The following IL2RB variants were observed in gnomAD, a reference collection of about 807,000 sequenced individuals.
The protein encoded by IL2RB is interleukin 2 receptor subunit beta.
A neutral mutation model predicts 44.2 loss-of-function variants in IL2RB; 17 were observed. That is an observed-to-expected ratio of 0.38 (90% CI 0.26 to 0.58). IL2RB has a LOEUF of 0.58. Ranked by LOEUF, IL2RB falls within the 20% of genes least tolerant of loss-of-function variation. IL2RB has a pLI of 0.63. For synonymous variants in IL2RB, 286 were observed against 297.9 expected (o/e 0.96, Z 0.41); for missense variants, 624 against 685.5 (o/e 0.91, Z 1.00).
At chr22:37,171,609 C>A (rs187662185) in intron 1 of IL2RB, among the ~76,000 whole-genome samples, 1 of 152,308 alleles carries the variant, frequency 6.6e-6, no homozygotes, top group African/African-American at 2.4e-5. Flanking sequence ...CCAGGCAGAA[C>A]TGGAGGAAGG....
intron 1 of IL2RB, among the ~76,000 whole-genome samples, chr22:37,155,199 T>C (rs930090292): frequency 1.3e-5 from 2 of 152,040 alleles, no homozygotes; most frequent in African/African-American, 4.8e-5. Context: ...GCACCTGCTT[T>C]CTTCAGCCCC....
At chr22:37,136,447 G>A (rs1921704784) in intron 6 of IL2RB, 54 bp from the exon 7 acceptor site, 3 of 1,544,458 alleles carry the variant, frequency 1.9e-6, no homozygotes, top group Non-Finnish European at 2.6e-6. Context: ...GGCAGGGCCA[G>A]GAGGCTGAGC....
At chr22:37,165,559 A>AG (rs1236791878) in intron 1 of IL2RB, among the ~76,000 whole-genome samples, 1 of 152,326 alleles carries the variant, frequency 6.6e-6, no homozygotes. Context: ...CTGCAGGGAC[A>AG]GGAAATAGGC....
At chr22:37,150,737 C>A (rs1412274758), upstream of IL2RB, among the ~76,000 whole-genome samples, 1 of 152,070 alleles carries the variant, frequency 6.6e-6, no homozygotes, top group African/African-American at 2.4e-5. Context: ...ACCCCCACTG[C>A]CCTTCCCATC....
At chr22:37,132,780 G>A (rs1031133054) in intron 8 of IL2RB, among the ~76,000 whole-genome samples, 1 of 152,216 alleles carries the variant, frequency 6.6e-6, no homozygotes, top group African/African-American at 2.4e-5. Context: ...AGACGGGGAG[G>A]TGGGGGTCGA....
intron 9 of IL2RB, among the ~76,000 whole-genome samples, chr22:37,130,285 G>C (rs866750743): frequency 6.6e-6 from 1 of 152,238 alleles, no homozygotes; most frequent in Admixed American, 6.5e-5. Context: ...GAGAGGGAGC[G>C]GCCAGGCCTG....
At position 37,128,950 on chromosome 22, in the gene IL2RB, C is replaced by G; in HGVS notation, c.904-102G>C. The G allele has an allele frequency of 7.4e-7, 1 of 1,358,308 alleles. No homozygotes were observed. The highest frequency in any genetic ancestry group is 9.8e-7 in the Non-Finnish European group (1 of 1,016,752). 84.1% of individuals were successfully genotyped at this position (1,358,308 alleles called of 1,614,324 possible). On this transcript the variant is annotated intron_variant, in intron 9 of 9. Coordinates refer to ENST00000216223, the MANE Select transcript of IL2RB (RefSeq NM_000878.5). This position sits in a 1 kb window ranked among gnomAD's most constrained non-coding sequence, Gnocchi z 4.5. ...CTCCTAACTCCTCCTCCTCCTGAAG[C>G]AGTTGGCCCAGGGCTGCCCCATCCA...
intron 1 of IL2RB, among the ~76,000 whole-genome samples, chr22:37,161,459 C>T (rs1209036200): frequency 1.3e-5 from 2 of 152,200 alleles, no homozygotes; most frequent in East Asian, 1.9e-4. Context: ...CTTTTCCAGC[C>T]TCCCTTGCAG....
intron 1 of IL2RB, among the ~76,000 whole-genome samples, chr22:37,170,445 C>G (rs531275455): frequency 6.6e-6 from 1 of 152,260 alleles, no homozygotes; most frequent in Non-Finnish European, 1.5e-5. Flanking sequence ...AGACTCTGCA[C>G]TGTCCCCGCT....
At chr22:37,137,774 GACCTCCACCTCCC>G in intron 5 of IL2RB, 39 bp from the exon 6 acceptor site, 1 of 1,579,904 alleles carries the variant, frequency 6.3e-7, no homozygotes, top group Non-Finnish European at 8.7e-7. Context: ...AGTCAGCCAT[GACCTCCACCTCCC>G]ACTTTGTACC....
At chr22:37,145,862 C>A (rs572805370) in intron 1 of IL2RB, among the ~76,000 whole-genome samples, 2 of 152,052 alleles carry the variant, frequency 1.3e-5, no homozygotes, top group African/African-American at 2.4e-5. Flanking sequence ...CCTTCTCCAG[C>A]GGCTCCAAAC....
At chr22:37,149,365 CA>C (rs992388203) in intron 1 of IL2RB, among the ~76,000 whole-genome samples, 2 of 152,202 alleles carry the variant, frequency 1.3e-5, no homozygotes, top group Admixed American at 6.5e-5. Flanking sequence ...ACTTACTCCA[CA>C]AGCCTCCTGA....
Position 37,136,216 on chromosome 22 carries a change from G to A in IL2RB, c.703+12C>T, listed in dbSNP as rs562086039. 164 of 1,603,752 alleles carry A rather than the reference G, an allele frequency of 1.0e-4. 5 individuals carry two copies. The South Asian group carries it at 1.6e-3, about 16-fold the overall frequency. ...GCCTGAGCCCCCTCTCACCCTTGCCGCCCACCAGTACCTGCAGGCTTTGTC... is the reference window on the plus strand; with the variant it reads ...GCCTGAGCCCCCTCTCACCCTTGCCACCCACCAGTACCTGCAGGCTTTGTC... On this transcript the variant is annotated intron_variant, in intron 7 of 9. Coordinates refer to ENST00000216223, the MANE Select transcript of IL2RB (RefSeq NM_000878.5).
intron 1 of IL2RB, among the ~76,000 whole-genome samples, chr22:37,169,179 G>T (rs979169026): frequency 1.3e-5 from 2 of 150,598 alleles, no homozygotes; most frequent in Non-Finnish European, 3.0e-5. Context: ...ACAGAGAGGG[G>T]TTCTTACTTA....
chr22:37,149,790 C>A, intron 1 of IL2RB, 35 bp downstream of exon 1: 1 of 951,722 alleles, frequency 1.1e-6, no homozygotes, highest in Non-Finnish European at 1.3e-6. Flanking sequence ...TCTGGCTGGT[C>A]CACAGGGGCC....
chr22:37,126,030 T>C lies in IL2RB; in HGVS notation c.*2066A>G, dbSNP rs1601591907. The C allele has an allele frequency of 6.6e-6, 1 of 152,234 alleles. No homozygotes were observed. Among genetic ancestry groups the C allele is most frequent in the Middle Eastern group, 3.4e-3 (1 of 294 alleles). The allele number at this position is 152,234 out of a possible 1,614,324, so 9.4% of individuals were successfully genotyped here. A position where few individuals can be genotyped will look rare whatever the true frequency, so the allele number is the denominator to read the frequency against. On this transcript the variant is annotated 3_prime_UTR_variant, in exon 10 of 10. Coordinates refer to ENST00000216223, the MANE Select transcript of IL2RB (RefSeq NM_000878.5). ...CGGATCATTAAAAGATACGGATGTA[T>C]AGATACATATGTCACAAATGATTAA...
chr22:37,135,437 C>A lies in IL2RB; in HGVS notation c.709G>T (p.Gly237Trp). Residue 237 changes from glycine to tryptophan, a missense_variant, in exon 8 of 10, where the codon GGG becomes TGG. By Grantham distance (184) the Gly-to-Trp change is radical (BLOSUM62 -2). Coordinates refer to ENST00000216223, the MANE Select transcript of IL2RB (RefSeq NM_000878.5). ...LAFRTKPAAL[G>W]KDTIPWLGHL... ...CCGAGCCACGGAATGGTGTCCTTCC[C>A]AAGGGCTGCCCAGGGGTGGGAGAAA... The A allele has an allele frequency of 6.2e-7, 1 of 1,607,472 alleles. No homozygotes were observed. The highest frequency in any genetic ancestry group is 8.5e-7 in the Non-Finnish European group (1 of 1,174,122).
chr22:37,169,065 A>G (rs1461623792), intron 1 of IL2RB, among the ~76,000 whole-genome samples: 1 of 151,710 alleles, frequency 6.6e-6, no homozygotes, highest in African/African-American at 2.4e-5. Context: ...TCTTGTTTTC[A>G]GAGGGGTTCT....
intron 3 of IL2RB, 109 bp downstream of exon 3, chr22:37,143,412 C>A: frequency 1.4e-6 from 1 of 696,820 alleles, no homozygotes; most frequent in Non-Finnish European, 2.5e-6. Context: ...TCTGTGGGTC[C>A]CATTAGTCCA....
Sources: gnomAD v4.1 joint callset for allele counts (sites outside exome capture counted in the v4.1 genomes callset) on GRCh38, gnomAD v4.1.1 for gene constraint, Gnocchi (gnomAD v3.1) non-coding constraint, MANE v1.5 for transcripts, NCBI Gene and HGNC (gene_info 2026-07-23, HGNC 2026-07-21) for gene names.